The following GCFC2 variants were observed in gnomAD, a reference collection of about 807,000 sequenced individuals.
The protein encoded by GCFC2 is GC-rich sequence DNA-binding factor 2, also known as intron Large complex component GCFC2.
A neutral mutation model predicts 99.4 loss-of-function variants in GCFC2; 102 were observed. The observed-to-expected ratio is 1.03, with a 90% CI of 0.87 to 1.21. GCFC2 has a LOEUF of 1.21. Ranked by LOEUF, GCFC2 falls within the 50% of genes most tolerant of loss-of-function variation. The pLI is 0.00. For synonymous variants in GCFC2, 338 were observed against 316.8 expected (o/e 1.07, Z -0.71); for missense variants, 973 against 920.9 (o/e 1.06, Z -0.73).
At chr2:75,668,222 G>A (rs972213843) in intron 15 of GCFC2, among the ~76,000 whole-genome samples, 2 of 152,176 alleles carry the variant, frequency 1.3e-5, no homozygotes, top group African/African-American at 4.8e-5. Flanking sequence ...CAAGACTTTA[G>A]AGAAAGCTTT....
At chr2:75,677,793 A>T (rs1679412574) in intron 12 of GCFC2, among the ~76,000 whole-genome samples, 3 of 152,112 alleles carry the variant, frequency 2.0e-5, no homozygotes, top group Non-Finnish European at 4.4e-5. Context: ...CCTGGCTAAT[A>T]CAGTGAAACC....
At chr2:75,705,235 A>G (rs1680794000) in intron 2 of GCFC2, among the ~76,000 whole-genome samples, 1 of 152,168 alleles carries the variant, frequency 6.6e-6, no homozygotes. Context: ...ATATTGGCTT[A>G]ATCGCTTAGT....
Position 75,690,731 on chromosome 2 carries a change from T to C in GCFC2, c.1145-12A>G. On this transcript the variant is annotated splice_polypyrimidine_tract_variant and intron_variant, in intron 7 of 16. Transcript: ENST00000321027. ...TGTCTCATCTTTGCCTGTTAATAAA[T>C]AAAATTGACTTCATACTACAAATTC... The C allele has an allele frequency of 7.5e-7, 1 of 1,329,460 alleles. No homozygotes were observed. The highest frequency in any genetic ancestry group is 1.1e-6 in the Non-Finnish European group (1 of 938,726). 82.4% of individuals were successfully genotyped at this position (1,329,460 alleles called of 1,614,324 possible). A position where few individuals can be genotyped will look rare whatever the true frequency, so the allele number is the denominator to read the frequency against.
At chr2:75,708,970 C>A (rs7608043) in intron 1 of GCFC2, among the ~76,000 whole-genome samples, 1,878 of 152,216 alleles carry the variant, frequency 0.012, 40 homozygotes, top group African/African-American at 0.043. Flanking sequence ...AACAAAATAG[C>A]ACAAGAGATT....
rs1218617044 is a variant in GCFC2, at chr2:75,702,223, T to C, written c.595A>G (p.Arg199Gly). 2 of 1,608,288 alleles carry C rather than the reference T, an allele frequency of 1.2e-6. No homozygotes were observed. Among genetic ancestry groups the C allele is most frequent in the East Asian group, 2.2e-5 (1 of 44,870 alleles). The change falls in exon 3 of 17, where the codon AGA (arginine) becomes GGA (glycine). Residue 199 changes from arginine (R) to glycine (G), a missense_variant. Physicochemically the swap from Arg to Gly is moderately radical, Grantham distance 125. Transcript: ENST00000321027. ...CTTGATTCCTCAGCCATCCTTTGTC[T>C]AAGTGTTTGAGGTCTTAGAGTAAAT... is the stretch of plus-strand genomic sequence containing the variant. Reference protein sequence around the residue: ...IPFTLRPQTLRQRMAEESISR... With the variant: ...IPFTLRPQTLGQRMAEESISR...
At position 75,673,038 on chromosome 2, in the gene GCFC2, C is replaced by T. The variant is rs184545333; in HGVS notation, c.1889+406G>A. On this transcript the variant is annotated intron_variant, in intron 13 of 16. Transcript: ENST00000321027. ...TGAAAACACTATAGTTGGCCGGGCG[C>T]GGTGGCTCACGCCTGTAATCCCAGC... is the stretch of plus-strand genomic sequence containing the variant. Among the ~76,000 whole-genome samples, 66 of 152,136 alleles carry T rather than the reference C, an allele frequency of 4.3e-4. No homozygotes were observed. The East Asian group carries it at 5.8e-3, about 13-fold the overall frequency.
In GCFC2 at chr2:75,710,576, C is replaced by G; in HGVS notation, c.265+15G>C. On this transcript the variant is annotated intron_variant, in intron 1 of 16. Transcript: ENST00000321027. The stretch of plus-strand genomic sequence containing the variant: ...GTGCCGTCACCTCCCCGCTTCCCCG[C>G]GTCTCCCTGGACACCTGAGCCTTCG... 4.0e-6 allele frequency: 6 copies of G among 1,491,008 alleles called. No individual in the cohort carries two copies. Among genetic ancestry groups the G allele is most frequent in the Non-Finnish European group, 5.3e-6 (6 of 1,127,110 alleles). 92.4% of individuals were successfully genotyped at this position (1,491,008 alleles called of 1,614,324 possible).
chr2:75,665,322 T>A (rs914118877), intron 16 of GCFC2, among the ~76,000 whole-genome samples: 7 of 152,124 alleles, frequency 4.6e-5, no homozygotes, highest in Non-Finnish European at 8.8e-5. Flanking sequence ...AGCTAATTTT[T>A]AAATTTTTTG....
At chr2:75,697,736 C>A (rs912232976) in intron 4 of GCFC2, 1 of 152,112 alleles carries the variant, frequency 6.6e-6, no homozygotes, top group Admixed American at 6.5e-5. Flanking sequence ...CCTGGATTAT[C>A]CCGATGGGGT....
upstream of GCFC2, chr2:75,711,031 T>C: frequency 7.5e-7 from 1 of 1,337,618 alleles, no homozygotes; most frequent in Non-Finnish European, 9.5e-7. Context: ...GCTCCCTGGA[T>C]CTGGTAGGCC....
Position 75,694,376 on chromosome 2 carries a change from T to G in GCFC2, c.885A>C (p.Lys295Asn), listed in dbSNP as rs143334710. ...TTGAGCTTTTGACATCTTGTACGTA[T>G]TTTTCATACTCCCTCAGGTGTGAGC... is the stretch of plus-strand genomic sequence containing the variant. ...THRSHLREYE[K>N]YVQDVKSSKS... Residue 295 changes from lysine to asparagine, a missense_variant, in exon 6 of 17, where the codon AAA becomes AAC. Coordinates refer to ENST00000321027, the MANE Select transcript of GCFC2 (RefSeq NM_003203.5). 1.5e-4 allele frequency: 230 copies of G among 1,535,170 alleles called. 2 individuals carry two copies. In the African/African-American group the frequency reaches 3.0e-3, roughly 20 times the overall value.
chr2:75,673,629 C>CT, intron 12 of GCFC2, 109 bp from the exon 13 acceptor site: 1 of 632,336 alleles, frequency 1.6e-6, no homozygotes, highest in South Asian at 1.9e-5. Context: ...ACATAACCAG[C>CT]TGTTAAAATA....
At chr2:75,707,519 T>A (rs1042966718) in intron 1 of GCFC2, among the ~76,000 whole-genome samples, 4 of 151,802 alleles carry the variant, frequency 2.6e-5, no homozygotes, top group Admixed American at 2.0e-4. Context: ...AAGACCTACA[T>A]ACAGTTCAAA....
chr2:75,696,187 G>T lies in GCFC2; in HGVS notation c.833+13C>A. 1 of 870,918 alleles carries T rather than the reference G, an allele frequency of 1.1e-6. No individual in the cohort carries two copies. Among genetic ancestry groups the T allele is most frequent in the South Asian group, 1.4e-5 (1 of 72,906 alleles). 53.9% of individuals were successfully genotyped at this position (870,918 alleles called of 1,614,324 possible). ...CTAGGACAAATGTAAATTTCAAAAT[G>T]AGTATTGCTCACCTAGTATTTAATT... On this transcript the variant is annotated intron_variant, in intron 5 of 16. Coordinates refer to ENST00000321027, the MANE Select transcript of GCFC2 (RefSeq NM_003203.5).
intron 11 of GCFC2, among the ~76,000 whole-genome samples, chr2:75,683,211 A>T (rs986985811): frequency 2.0e-5 from 3 of 152,048 alleles, no homozygotes; most frequent in Admixed American, 2.0e-4. Context: ...TGGGTTACCC[A>T]CAAATGGAAG....
At chr2:75,710,923 C>A, upstream of GCFC2, 1 of 1,400,808 alleles carries the variant, frequency 7.1e-7, no homozygotes, top group Non-Finnish European at 9.2e-7. Context: ...AGTGCCCGCC[C>A]CCTAGGGCGC....
intron 1 of GCFC2, among the ~76,000 whole-genome samples, chr2:75,709,975 T>A (rs1292799884): frequency 6.6e-6 from 1 of 152,224 alleles, no homozygotes; most frequent in African/African-American, 2.4e-5. Flanking sequence ...CTTACACCTG[T>A]ATTTAAGAAC....
rs559050699 is a variant in GCFC2 at position 75,670,121 on chromosome 2, C to G, written c.2103+17G>C. On this transcript the variant is annotated intron_variant, in intron 15 of 16. Coordinates refer to ENST00000321027, the MANE Select transcript of GCFC2 (RefSeq NM_003203.5). ...TAGAAATGATAAAATTAGAATCAGTCTTCCTTCACAACTTACCTGGTTGCA... is the reference window on the plus strand; with the variant it reads ...TAGAAATGATAAAATTAGAATCAGTGTTCCTTCACAACTTACCTGGTTGCA... The G allele has an allele frequency of 6.5e-7, 1 of 1,532,730 alleles. No homozygotes were observed. Among genetic ancestry groups the G allele is most frequent in the East Asian group, 2.3e-5 (1 of 44,340 alleles). 94.9% of individuals were successfully genotyped at this position (1,532,730 alleles called of 1,614,324 possible).
Position 75,671,368 on chromosome 2 carries a change from A to T in GCFC2, c.1956+582T>A, listed in dbSNP as rs540416302. ...CTCTAGCTCAGATCTGTCTCCTGAA[A>T]TTCAGACTTATGTATCCAACCACCT... On this transcript the variant is annotated intron_variant, in intron 14 of 16. Coordinates refer to ENST00000321027, the MANE Select transcript of GCFC2 (RefSeq NM_003203.5). Among the ~76,000 whole-genome samples the T allele has an allele frequency of 3.3e-5, 5 of 152,320 alleles. No individual in the cohort carries two copies. The East Asian group carries it at 5.8e-4, about 18-fold the overall frequency.
Sources: allele counts gnomAD v4.1 joint callset (sites outside exome capture counted in the v4.1 genomes callset), GRCh38; gene constraint gnomAD v4.1.1; transcripts MANE v1.5; gene names NCBI Gene and HGNC (gene_info 2026-07-23, HGNC 2026-07-21).